Variants in PRKAR1B observed in about 807,000 individuals in gnomAD.
The protein encoded by PRKAR1B is protein kinase cAMP-dependent type I regulatory subunit beta, also known as cAMP-dependent protein kinase type I-beta regulatory subunit.
Under a neutral mutation model 46.5 loss-of-function variants are expected in PRKAR1B, and 22 were observed. That is an observed-to-expected ratio of 0.47 (90% CI 0.34 to 0.68). The LOEUF is 0.68. Among genes scored for constraint, PRKAR1B ranks in the 30% least tolerant of loss-of-function variants. PRKAR1B has a pLI of 0.01. For synonymous variants in PRKAR1B, 259 were observed against 217.7 expected (o/e 1.19, Z -1.67); for missense variants, 445 against 535.6 (o/e 0.83, Z 1.67).
chr7:726,696 C>A, intron 1 of PRKAR1B: 1 of 1,233,870 alleles, frequency 8.1e-7, no homozygotes, highest in South Asian at 3.8e-5. Flanking sequence ...CGCTGTTCCC[C>A]TTAGTGACCG....
In PRKAR1B at chr7:666,008, G is replaced by C. The variant is rs1388228955; in HGVS notation, c.440+11221C>G. Among the ~76,000 whole-genome samples the C allele has an allele frequency of 6.6e-6, 1 of 152,232 alleles. No homozygotes were observed. Among genetic ancestry groups the C allele is most frequent in the East Asian group, 1.9e-4 (1 of 5,196 alleles). ...CCAGGAAGGCCGCCTCAAGGGTGAG[G>C]TGCCCTCGCCTGTGCCCGTCTGGCA... On this transcript the variant is annotated intron_variant, in intron 4 of 10. Transcript: ENST00000537384. This position sits in a 1 kb window ranked among gnomAD's most constrained non-coding sequence, Gnocchi z 4.9.
intron 4 of PRKAR1B, among the ~76,000 whole-genome samples, chr7:660,179 C>T (rs182860288): frequency 7.0e-4 from 106 of 152,082 alleles, no homozygotes; most frequent in African/African-American, 2.3e-3. Context: ...AGCCTTCTCC[C>T]GGCTCCATGT....
intron 2 of PRKAR1B, among the ~76,000 whole-genome samples, chr7:685,875 T>C (rs1180237439): frequency 6.6e-6 from 1 of 152,224 alleles, no homozygotes; most frequent in Non-Finnish European, 1.5e-5. Context: ...GGCATAATTC[T>C]AGTTTTTTAA....
intron 1 of PRKAR1B, chr7:726,598 G>A: frequency 1.4e-6 from 1 of 739,658 alleles, no homozygotes; most frequent in East Asian, 3.5e-5. Context: ...AGGCCCACGT[G>A]CGCACCGGCG....
At chr7:632,133 G>C (rs1020388006) in intron 4 of PRKAR1B, among the ~76,000 whole-genome samples, 15 of 152,308 alleles carry the variant, frequency 9.8e-5, no homozygotes, top group African/African-American at 3.4e-4. Flanking sequence ...ACAGAGCCTG[G>C]GGGGAGCAGG....
At chr7:567,679 AT>A (rs1391549212) in intron 9 of PRKAR1B, among the ~76,000 whole-genome samples, 1 of 152,226 alleles carries the variant, frequency 6.6e-6, no homozygotes, top group Non-Finnish European at 1.5e-5. Context: ...ACAACGGAAT[AT>A]TATTCAGCCT....
At chr7:632,949 C>T (rs967599118) in intron 4 of PRKAR1B, among the ~76,000 whole-genome samples, 1 of 152,224 alleles carries the variant, frequency 6.6e-6, no homozygotes, top group African/African-American at 2.4e-5. Context: ...AGGTCCCGGC[C>T]GGCTCCGGCA....
chr7:623,611 C>T (rs987768582), intron 4 of PRKAR1B, among the ~76,000 whole-genome samples: 3 of 152,232 alleles, frequency 2.0e-5, no homozygotes, highest in Non-Finnish European at 4.4e-5. Context: ...AACCCCCCAG[C>T]CCCTGGTGTT....
chr7:582,751 C>T (rs1428570204), intron 8 of PRKAR1B, among the ~76,000 whole-genome samples: 3 of 152,204 alleles, frequency 2.0e-5, no homozygotes, highest in Non-Finnish European at 2.9e-5. Context: ...GGGCACAGGG[C>T]TGACTATGCA....
intron 9 of PRKAR1B, among the ~76,000 whole-genome samples, chr7:574,774 G>A (rs1255435222): frequency 6.6e-6 from 1 of 152,172 alleles, no homozygotes; most frequent in Non-Finnish European, 1.5e-5. Flanking sequence ...GAAATCTCCT[G>A]ACTATAAAAT....
At chr7:703,764 C>T (rs920911494) in intron 2 of PRKAR1B, among the ~76,000 whole-genome samples, 3 of 151,832 alleles carry the variant, frequency 2.0e-5, no homozygotes, top group African/African-American at 4.8e-5. Context: ...AACAGCAGCA[C>T]ACAGTGTTTC....
In PRKAR1B at chr7:662,945, T is replaced by C. The variant is rs372698178; in HGVS notation, c.440+14284A>G. ...ATCACCCTCTTCCTTCCTAACATTT[T>C]CTGATGCTTTCAAACAGACTGAAAC... On this transcript the variant is annotated intron_variant, in intron 4 of 10. Transcript: ENST00000537384. Among the ~76,000 whole-genome samples the C allele has an allele frequency of 2.0e-5, 3 of 152,294 alleles. No homozygotes were observed. The South Asian group carries it at 6.2e-4, about 32-fold the overall frequency.
chr7:586,181 G>A (rs1218935327), intron 7 of PRKAR1B, among the ~76,000 whole-genome samples: 6 of 152,166 alleles, frequency 3.9e-5, no homozygotes, highest in African/African-American at 7.2e-5. Flanking sequence ...CTCCCAGAGC[G>A]TGAGAAACAG....
At chr7:616,144 AG>A (rs1357258938) in intron 4 of PRKAR1B, among the ~76,000 whole-genome samples, 1 of 152,178 alleles carries the variant, frequency 6.6e-6, no homozygotes, top group Non-Finnish European at 1.5e-5. Context: ...GGTGGGTCTC[AG>A]CCCCTCTTGG....
intron 6 of PRKAR1B, among the ~76,000 whole-genome samples, chr7:599,859 G>A (rs927581185): frequency 4.1e-5 from 6 of 146,538 alleles, no homozygotes; most frequent in Admixed American, 6.7e-5. Context: ...CCAGGAGCTG[G>A]GGGAGGCACA....
At chr7:569,258 G>GCTCA (rs1486977745) in intron 9 of PRKAR1B, among the ~76,000 whole-genome samples, 7 of 152,200 alleles carry the variant, frequency 4.6e-5, no homozygotes, top group Non-Finnish European at 1.0e-4. Context: ...AGCTGACCAA[G>GCTCA]GCCTCAGCCT....
At chr7:623,465 A>C (rs913249096) in intron 4 of PRKAR1B, among the ~76,000 whole-genome samples, 4 of 152,196 alleles carry the variant, frequency 2.6e-5, no homozygotes, top group African/African-American at 9.7e-5. Flanking sequence ...CACCCACCAT[A>C]ATCAATATGT....
rs1320907702 is a variant in PRKAR1B, at chr7:622,176, C to T, written c.441-14724G>A. ...GAAGCAAACAGGTTCAGCCAGTTCT[C>T]AGAGCCGAGGCCACCTAAGGGGGAC... On this transcript the variant is annotated intron_variant, in intron 4 of 10. Transcript: ENST00000537384. 2.0e-5 allele frequency among the ~76,000 whole-genome samples: 3 copies of T among 152,246 alleles called. No homozygotes were observed. In the East Asian group the frequency reaches 5.8e-4, roughly 29 times the overall value.
At chr7:614,549 T>C (rs1206670954) in intron 4 of PRKAR1B, among the ~76,000 whole-genome samples, 2 of 152,086 alleles carry the variant, frequency 1.3e-5, no homozygotes. Context: ...AAAGGATCGC[T>C]GGGCCCAGGA....
Sources: gnomAD v4.1 joint callset for allele counts (sites outside exome capture counted in the v4.1 genomes callset) on GRCh38, gnomAD v4.1.1 for gene constraint, Gnocchi (gnomAD v3.1) non-coding constraint, MANE v1.5 for transcripts, NCBI Gene and HGNC (gene_info 2026-07-23, HGNC 2026-07-21) for gene names.